Variants in ANOS1 observed in about 807,000 individuals in gnomAD.
ANOS1 encodes anosmin 1.
A neutral mutation model predicts 59.0 loss-of-function variants in ANOS1; 6 were observed. The ratio of observed to expected loss-of-function variants is 0.10; its 90% CI spans 0.06 to 0.20. The LOEUF is 0.20. Ranked by LOEUF, ANOS1 falls within the 10% of genes least tolerant of loss-of-function variation. The pLI, the probability that ANOS1 is intolerant of heterozygous loss-of-function variation, is 1.00. For synonymous variants in ANOS1, 217 were observed against 223.4 expected, an observed-to-expected ratio of 0.97 and a Z score of 0.25; for missense variants, 433 against 542.3, an observed-to-expected ratio of 0.80 and a Z score of 2.00.
chrX:8,648,542 C>A (rs1265620640), intron 2 of ANOS1, among the ~76,000 whole-genome samples: 2 of 108,981 alleles, frequency 1.8e-5, no homozygotes, highest in African/African-American at 6.7e-5. Flanking sequence ...GTAAATGCCA[C>A]AAAAATGCAA....
At chrX:8,685,578 GA>G (rs1375096826) in intron 2 of ANOS1, among the ~76,000 whole-genome samples, 8 of 87,962 alleles carry the variant, frequency 9.1e-5, no homozygotes, top group Non-Finnish European at 1.3e-4. Context: ...AGGAAGGAAG[GA>G]AAGAAAGAGA....
intron 2 of ANOS1, among the ~76,000 whole-genome samples, chrX:8,679,627 C>T (rs1932389717): frequency 1.8e-5 from 2 of 109,672 alleles, no homozygotes; most frequent in South Asian, 7.8e-4. Context: ...CTGGTGGTTG[C>T]CGGGGGCTGA....
chrX:8,729,862 G>A (rs1932956217), intron 1 of ANOS1, among the ~76,000 whole-genome samples: 1 of 110,774 alleles, frequency 9.0e-6, no homozygotes, highest in Non-Finnish European at 1.9e-5. Flanking sequence ...GCATTACCAG[G>A]TTAGGGTTAA....
At chrX:8,601,896 T>C (rs1468573941) in intron 3 of ANOS1, among the ~76,000 whole-genome samples, 1 of 112,315 alleles carries the variant, frequency 8.9e-6, no homozygotes, top group Non-Finnish European at 1.9e-5. Flanking sequence ...GGTGTGCTCA[T>C]GAAAATTTTG....
At chrX:8,666,005 C>T (rs1347269799) in intron 2 of ANOS1, among the ~76,000 whole-genome samples, 1 of 109,446 alleles carries the variant, frequency 9.1e-6, no homozygotes, top group African/African-American at 3.3e-5. Flanking sequence ...GGTTCAAGAC[C>T]AGCCTGGGAG....
At chrX:8,570,128 ATCTC>A (rs1269607214) in intron 7 of ANOS1, among the ~76,000 whole-genome samples, 1 of 100,582 alleles carries the variant, frequency 9.9e-6, no homozygotes, top group Admixed American at 1.1e-4. Context: ...ATTTACAAGG[ATCTC>A]TCTCTCTCAA....
At chrX:8,661,245 A>G (rs1315842061) in intron 2 of ANOS1, among the ~76,000 whole-genome samples, 1 of 109,584 alleles carries the variant, frequency 9.1e-6, no homozygotes, top group Admixed American at 9.7e-5. Flanking sequence ...TAGACCGGGC[A>G]GTTTATAAAC....
intron 2 of ANOS1, among the ~76,000 whole-genome samples, chrX:8,643,412 T>G (rs1931697986): frequency 9.0e-6 from 1 of 111,698 alleles, no homozygotes; most frequent in South Asian, 3.7e-4. Context: ...GCTCTGATTC[T>G]TTCATGTTGT....
chrX:8,640,127 C>A (rs1447375673), intron 2 of ANOS1, among the ~76,000 whole-genome samples: 4 of 111,184 alleles, frequency 3.6e-5, no homozygotes, highest in African/African-American at 1.3e-4. Flanking sequence ...ATCACCATAT[C>A]CCTCATGGCT....
At chrX:8,610,006 C>CA (rs1167209336) in intron 3 of ANOS1, among the ~76,000 whole-genome samples, 225 of 9,126 alleles carry the variant, frequency 0.025, 28 homozygotes, top group East Asian at 0.12. Context: ...GACTCCATCT[C>CA]AAAAAAAAAA....
At chrX:8,704,287 T>C (rs1281612360) in intron 1 of ANOS1, among the ~76,000 whole-genome samples, 3 of 111,888 alleles carry the variant, frequency 2.7e-5, no homozygotes, top group African/African-American at 9.7e-5. Flanking sequence ...CTTGATTAGC[T>C]TTCTTTTGTT....
intron 5 of ANOS1, 32 bp downstream of exon 5, chrX:8,587,762 G>A: frequency 8.7e-7 from 1 of 1,143,797 alleles, no homozygotes; most frequent in East Asian, 3.1e-5. Context: ...CTACCTCCAG[G>A]ATGAAAATCA....
chrX:8,663,869 T>C (rs1932083112), intron 2 of ANOS1, among the ~76,000 whole-genome samples: 1 of 111,969 alleles, frequency 8.9e-6, no homozygotes, highest in Non-Finnish European at 1.9e-5. Context: ...CACCATAGAA[T>C]ACTATGTAGC....
chrX:8,675,997 TG>T (rs1346363134), intron 2 of ANOS1, among the ~76,000 whole-genome samples: 1 of 110,086 alleles, frequency 9.1e-6, no homozygotes, highest in Non-Finnish European at 1.9e-5. Context: ...CTGAGGATAA[TG>T]GCTTCCAGCT....
At chrX:8,615,648 A>G (rs1409500665) in intron 3 of ANOS1, among the ~76,000 whole-genome samples, 1 of 111,367 alleles carries the variant, frequency 9.0e-6, no homozygotes, top group Non-Finnish European at 1.9e-5. Flanking sequence ...GGTCACCCTG[A>G]TTCCTGTTGC....
chrX:8,552,850 A>C (rs1456751539), intron 9 of ANOS1, among the ~76,000 whole-genome samples: 1 of 107,511 alleles, frequency 9.3e-6, no homozygotes, highest in Non-Finnish European at 1.9e-5. Flanking sequence ...TATAGACATA[A>C]TATAATCTTA....
chrX:8,548,219 G>T (rs981127354), intron 9 of ANOS1, among the ~76,000 whole-genome samples: 3 of 111,508 alleles, frequency 2.7e-5, no homozygotes, highest in African/African-American at 9.8e-5. Context: ...AAAATGAAAA[G>T]ATTCTGCCAC....
chrX:8,539,502 AG>A (rs780160234), intron 10 of ANOS1, among the ~76,000 whole-genome samples, 161 bp downstream of exon 10: 1 of 111,493 alleles, frequency 9.0e-6, no homozygotes, highest in Admixed American at 9.6e-5. Flanking sequence ...AATGGATAAA[AG>A]AATGAGTGAA....
intron 3 of ANOS1, among the ~76,000 whole-genome samples, chrX:8,617,308 A>G (rs185432370): frequency 8.9e-6 from 1 of 112,400 alleles, no homozygotes; most frequent in East Asian, 2.8e-4. Context: ...AAGACATAAA[A>G]CCAGTTATAG....
Sources: gnomAD v4.1 joint callset for allele counts (sites outside exome capture counted in the v4.1 genomes callset) on GRCh38, gnomAD v4.1.1 for gene constraint, MANE v1.5 for transcripts, NCBI Gene and HGNC (gene_info 2026-07-23, HGNC 2026-07-21) for gene names.